Variants in DENND1B observed in about 807,000 individuals in gnomAD.
The protein encoded by DENND1B is DENN domain-containing protein 1B.
Under a neutral mutation model 90.1 loss-of-function variants are expected in DENND1B, and 59 were observed. The ratio of observed to expected loss-of-function variants is 0.65; its 90% CI spans 0.53 to 0.81. The LOEUF is 0.81. DENND1B is among the 40% of genes least tolerant of loss of function. The probability of loss-of-function intolerance (pLI) is 0.00; values close to 1 mark genes in which losing one functional copy is unlikely to be tolerated. For missense variants in DENND1B, 862 were observed against 912.6 expected (o/e 0.94, Z 0.71); for synonymous variants, 337 against 324.6 (o/e 1.04, Z -0.41).
chr1:197,574,407 G>A lies in DENND1B; in HGVS notation c.1149+8745C>T, dbSNP rs1279370695. 3.9e-5 allele frequency among the ~76,000 whole-genome samples: 6 copies of A among 152,134 alleles called. No homozygotes were observed. In the South Asian group the frequency reaches 1.0e-3, roughly 26 times the overall value. On this transcript the variant is annotated intron_variant, in intron 15 of 22. Transcript: ENST00000620048. ...AAGGGATGTGAAGGACCTCTTCAAG[G>A]AGAACTACAAACCACTGCTCAACAA...
intron 2 of DENND1B, among the ~76,000 whole-genome samples, chr1:197,761,637 T>A (rs572017582): frequency 2.6e-5 from 4 of 152,312 alleles, no homozygotes; most frequent in Admixed American, 1.3e-4. Context: ...GACTGCTTAA[T>A]TCTAATTAAT....
At chr1:197,624,230 C>T (rs556415880) in intron 10 of DENND1B, among the ~76,000 whole-genome samples, 1 of 151,720 alleles carries the variant, frequency 6.6e-6, no homozygotes, top group South Asian at 2.1e-4. Flanking sequence ...ACAATTAGAT[C>T]AATGAAACAG....
Position 197,747,028 on chromosome 1 carries a change from C to T in DENND1B, c.82+25840G>A, listed in dbSNP as rs1036730312. The stretch of plus-strand genomic sequence containing the variant: ...CTCAACATTTTTCCTTTTAACATGG[C>T]GTTCAAATCAATCATTGACTCCAAA... On this transcript the variant is annotated intron_variant, in intron 2 of 22. Transcript: ENST00000620048. 3.5e-4 allele frequency: 292 copies of T among 831,318 alleles called. 1 individual carries two copies. Among genetic ancestry groups the T allele is most frequent in the Admixed American group, 1.8e-3 (104 of 58,546 alleles). 51.5% of individuals were successfully genotyped at this position (831,318 alleles called of 1,614,324 possible).
At chr1:197,773,877 C>T (rs1259077114) in intron 1 of DENND1B, among the ~76,000 whole-genome samples, 1 of 152,144 alleles carries the variant, frequency 6.6e-6, no homozygotes, top group Non-Finnish European at 1.5e-5. Flanking sequence ...GCTAACAAGA[C>T]CTTAGTGCCT....
At chr1:197,604,191 A>G (rs200282332) in intron 13 of DENND1B, among the ~76,000 whole-genome samples, 14 of 11,040 alleles carry the variant, frequency 1.3e-3, no homozygotes, top group Admixed American at 2.5e-3. Flanking sequence ...CCAATAAAAT[A>G]TGTTTTTTTT....
intron 10 of DENND1B, among the ~76,000 whole-genome samples, chr1:197,639,775 G>A (rs1372223100): frequency 1.3e-5 from 2 of 152,012 alleles, no homozygotes; most frequent in Non-Finnish European, 2.9e-5. Context: ...TTTATGTTAA[G>A]AAATGAGTCC....
intron 14 of DENND1B, among the ~76,000 whole-genome samples, chr1:197,587,110 G>C (rs961282460): frequency 6.6e-5 from 10 of 152,152 alleles, no homozygotes; most frequent in African/African-American, 1.4e-4. Flanking sequence ...AGGAAAATTT[G>C]TTATTTAATA....
chr1:197,707,351 A>G (rs561357253), intron 3 of DENND1B, among the ~76,000 whole-genome samples: 7 of 152,134 alleles, frequency 4.6e-5, no homozygotes, highest in South Asian at 4.1e-4. Context: ...CTAGTGTTCT[A>G]TAACACTGTA....
At chr1:197,653,319 T>C (rs1470825906) in intron 6 of DENND1B, among the ~76,000 whole-genome samples, 1 of 152,126 alleles carries the variant, frequency 6.6e-6, no homozygotes, top group Non-Finnish European at 1.5e-5. Flanking sequence ...GTTTTAGAAT[T>C]ACCTTGTGCA....
intron 15 of DENND1B, among the ~76,000 whole-genome samples, chr1:197,566,629 T>C (rs1672694066): frequency 6.6e-6 from 1 of 152,108 alleles, no homozygotes; most frequent in African/African-American, 2.4e-5. Context: ...ACTTTTCATT[T>C]ATTTATTTAA....
In DENND1B at chr1:197,642,778, A is replaced by G. The variant is rs773109086; in HGVS notation, c.605T>C (p.Met202Thr). The G allele has an allele frequency of 1.2e-6, 2 of 1,613,746 alleles. No homozygotes were observed. Among genetic ancestry groups the G allele is most frequent in the Admixed American group, 1.7e-5 (1 of 59,980 alleles). ...EYFVAVDVNN[M>T]LQLYASMLHE... ...CAGCATACTGGCATACAGCTGCAGC[A>G]TGTTGTTCACATCCACGGCAACAAA... Residue 202 changes from methionine (M) to threonine (T), a missense_variant, in exon 10 of 23, where the codon ATG becomes ACG. Transcript: ENST00000620048.
At chr1:197,654,502 T>TG (rs1283252113) in intron 6 of DENND1B, among the ~76,000 whole-genome samples, 1 of 151,768 alleles carries the variant, frequency 6.6e-6, no homozygotes, top group Non-Finnish European at 1.5e-5. Context: ...CCCATCTACT[T>TG]GGGAGAGTGA....
At chr1:197,667,265 T>C (rs1175061630) in intron 5 of DENND1B, among the ~76,000 whole-genome samples, 3 of 152,104 alleles carry the variant, frequency 2.0e-5, no homozygotes, top group African/African-American at 7.2e-5. Flanking sequence ...ATCTTACAAA[T>C]CATTGCCATC....
intron 18 of DENND1B, among the ~76,000 whole-genome samples, chr1:197,543,216 G>C (rs1244382588): frequency 6.6e-6 from 1 of 152,148 alleles, no homozygotes; most frequent in African/African-American, 2.4e-5. Context: ...TTACAGGTGT[G>C]AGCCACAGCA....
chr1:197,624,611 TCTC>T (rs1572102137), intron 10 of DENND1B, among the ~76,000 whole-genome samples: 1 of 151,618 alleles, frequency 6.6e-6, no homozygotes, highest in African/African-American at 2.4e-5. Flanking sequence ...GCAGAGCGCC[TCTC>T]CTCCTCCAAA....
chr1:197,714,118 A>T (rs1038329515), intron 3 of DENND1B, among the ~76,000 whole-genome samples: 1 of 150,134 alleles, frequency 6.7e-6, no homozygotes, highest in Non-Finnish European at 1.5e-5. Flanking sequence ...CTGAGATTAC[A>T]GGCGCACGCC....
intron 3 of DENND1B, among the ~76,000 whole-genome samples, chr1:197,679,302 A>G (rs370544872): frequency 2.6e-5 from 4 of 151,818 alleles, no homozygotes; most frequent in South Asian, 4.1e-4. Context: ...AAAAAAAAAA[A>G]AATCAGAAGA....
intron 13 of DENND1B, chr1:197,605,901 A>G (rs901096878): frequency 2.1e-4 from 31 of 151,108 alleles, no homozygotes; most frequent in African/African-American, 7.3e-4. Flanking sequence ...ACAGAAGGAC[A>G]ATCAAGGCTG....
intron 2 of DENND1B, among the ~76,000 whole-genome samples, chr1:197,754,743 A>G (rs927993437): frequency 2.6e-5 from 4 of 151,594 alleles, no homozygotes; most frequent in Middle Eastern, 3.4e-3. Context: ...CAAATTATCA[A>G]TTGGTAATGG....
Sources: allele counts gnomAD v4.1 joint callset (sites outside exome capture counted in the v4.1 genomes callset), GRCh38; gene constraint gnomAD v4.1.1; transcripts MANE v1.5; gene names NCBI Gene and HGNC (gene_info 2026-07-23, HGNC 2026-07-21).